Variants in PALM2AKAP2 observed in about 807,000 individuals in gnomAD.
The protein encoded by PALM2AKAP2 is PALM2-AKAP2 fusion protein.
PALM2AKAP2 carries 37 observed loss-of-function variants against 71.5 expected under a neutral mutation model. That is an observed-to-expected ratio of 0.52 (90% confidence interval 0.40 to 0.68). PALM2AKAP2 has a LOEUF of 0.68. Ranked by LOEUF, PALM2AKAP2 falls within the 30% of genes least tolerant of loss-of-function variation. The probability of loss-of-function intolerance (pLI) is 0.00; values close to 1 mark genes in which losing one functional copy is unlikely to be tolerated. For synonymous variants in PALM2AKAP2, 468 were observed against 478.8 expected (o/e 0.98, Z 0.29); for missense variants, 1,224 against 1,191.8 (o/e 1.03, Z -0.40).
chr9:110,062,306 A>G (rs973306000), intron 1 of PALM2AKAP2, among the ~76,000 whole-genome samples: 1 of 151,062 alleles, frequency 6.6e-6, no homozygotes. Flanking sequence ...ATGTATACTC[A>G]TTGTTCAGCT....
At chr9:109,727,490 A>G (rs1344027570) in intron 1 of PALM2AKAP2, among the ~76,000 whole-genome samples, 2 of 117,858 alleles carry the variant, frequency 1.7e-5, no homozygotes, top group East Asian at 2.5e-4. Context: ...ATTATTTTAT[A>G]TAGAGCCCCA....
chr9:110,163,388 G>T (rs1370271421), intron 3 of PALM2AKAP2, among the ~76,000 whole-genome samples: 1 of 152,112 alleles, frequency 6.6e-6, no homozygotes, highest in African/African-American at 2.4e-5. Context: ...CACCTACCCA[G>T]CTTTGTCCAT....
intron 1 of PALM2AKAP2, among the ~76,000 whole-genome samples, chr9:109,858,859 A>C (rs1157536275): frequency 6.6e-6 from 1 of 152,180 alleles, no homozygotes; most frequent in Non-Finnish European, 1.5e-5. Flanking sequence ...CCTAGCAAAG[A>C]ATTTGATGTT....
In PALM2AKAP2 at chr9:110,066,234, T is replaced by C. The variant is rs374531690; in HGVS notation, c.156+17379T>C. On this transcript the variant is annotated intron_variant, in intron 1 of 3. Coordinates refer to ENST00000374525, the Ensembl canonical transcript of PALM2AKAP2. Reference sequence around the variant, plus strand: ...GGAAGAGGATGGCTTAGAGAGAGTATGGACTTAAAGCAGAGTTAAGGAGCC... The same window carrying C: ...GGAAGAGGATGGCTTAGAGAGAGTACGGACTTAAAGCAGAGTTAAGGAGCC... 7.2e-5 allele frequency among the ~76,000 whole-genome samples: 11 copies of C among 152,310 alleles called. No homozygotes were observed. In the East Asian group the frequency reaches 1.9e-3, roughly 27 times the overall value.
At chr9:110,094,669 GGGGGGGC>G (rs1469778221) in intron 1 of PALM2AKAP2, among the ~76,000 whole-genome samples, 13,994 of 94,426 alleles carry the variant, frequency 0.15, 701 homozygotes, top group African/African-American at 0.23. Context: ...ACCACGGGGC[GGGGGGGC>G]GGGTAATCTG....
chr9:110,075,518 C>T (rs1383514121), intron 1 of PALM2AKAP2, among the ~76,000 whole-genome samples: 4 of 152,048 alleles, frequency 2.6e-5, no homozygotes, highest in East Asian at 1.9e-4. Context: ...TCAGAAATGA[C>T]GTGCCACTGG....
chr9:110,041,581 A>C (rs1476319276), intron 7 of PALM2AKAP2, among the ~76,000 whole-genome samples: 1 of 152,212 alleles, frequency 6.6e-6, no homozygotes, highest in Non-Finnish European at 1.5e-5. Flanking sequence ...GCGAGGATGC[A>C]GGGAAAGGAA....
chr9:110,172,208 A>C (rs1038312053), exon 4 of PALM2AKAP2: 2 of 152,610 alleles, frequency 1.3e-5, no homozygotes, highest in African/African-American at 4.8e-5. Flanking sequence ...AGAGATGGTG[A>C]ATATATTCCA....
At chr9:110,127,358 G>A (rs1273788151) in intron 1 of PALM2AKAP2, among the ~76,000 whole-genome samples, 2 of 152,174 alleles carry the variant, frequency 1.3e-5, no homozygotes, top group African/African-American at 4.8e-5. Context: ...GAGGTCTGGA[G>A]TCTGGCCGGC....
At chr9:109,914,052 G>A (rs191690576) in intron 3 of PALM2AKAP2, among the ~76,000 whole-genome samples, 26 of 152,170 alleles carry the variant, frequency 1.7e-4, no homozygotes, top group South Asian at 1.2e-3. Context: ...CACCGCGCCC[G>A]GCCAAGATGC....
At chr9:109,763,263 C>A (rs568360872) in intron 1 of PALM2AKAP2, among the ~76,000 whole-genome samples, 2 of 152,288 alleles carry the variant, frequency 1.3e-5, no homozygotes, top group South Asian at 4.1e-4. Flanking sequence ...TGCCCACCAT[C>A]CATTGCCAGG....
intron 6 of PALM2AKAP2, among the ~76,000 whole-genome samples, chr9:109,994,279 G>A (rs2132249988): frequency 6.6e-6 from 1 of 152,246 alleles, no homozygotes; most frequent in Middle Eastern, 3.4e-3. Context: ...GAAGACTTTG[G>A]GATGTATCCA....
At chr9:110,117,973 T>TTGTGTGTGTGTGTGTGTGTG (rs1171400897) in intron 1 of PALM2AKAP2, among the ~76,000 whole-genome samples, 1 of 138,560 alleles carries the variant, frequency 7.2e-6, no homozygotes, top group Non-Finnish European at 1.6e-5. Flanking sequence ...ATATGTCGTT[T>TTGTGTGTGTGTGTGTGTGTG]TGTGTGTGTG....
At chr9:109,738,542 T>C (rs143175110) in intron 1 of PALM2AKAP2, among the ~76,000 whole-genome samples, 1 of 152,328 alleles carries the variant, frequency 6.6e-6, no homozygotes, top group East Asian at 1.9e-4. Flanking sequence ...TAGCAATGGA[T>C]GATTGAAAAA....
chr9:109,752,838 C>T (rs1003840329), intron 1 of PALM2AKAP2, among the ~76,000 whole-genome samples: 1 of 152,096 alleles, frequency 6.6e-6, no homozygotes, highest in Admixed American at 6.6e-5. Context: ...AGTAGCCGGG[C>T]AATCTTGTTC....
chr9:110,112,016 C>A (rs182903272), intron 1 of PALM2AKAP2, among the ~76,000 whole-genome samples: 2 of 152,196 alleles, frequency 1.3e-5, no homozygotes, highest in East Asian at 3.9e-4. Flanking sequence ...AGGATCCCTG[C>A]TGTTGTGCTC....
At chr9:110,102,183 G>A (rs1193928252) in intron 1 of PALM2AKAP2, among the ~76,000 whole-genome samples, 2 of 152,158 alleles carry the variant, frequency 1.3e-5, no homozygotes, top group East Asian at 3.9e-4. Flanking sequence ...TACCTCTGTA[G>A]GACGGCTTTG....
chr9:110,024,720 A>T (rs143078057), intron 7 of PALM2AKAP2, among the ~76,000 whole-genome samples: 171 of 151,248 alleles, frequency 1.1e-3, no homozygotes, highest in Admixed American at 2.2e-3. Context: ...GGAGGTAGAG[A>T]GTGCAGTGAG....
intron 1 of PALM2AKAP2, among the ~76,000 whole-genome samples, chr9:109,647,338 G>T (rs998529295): frequency 6.6e-6 from 1 of 151,922 alleles, no homozygotes; most frequent in African/African-American, 2.4e-5. Flanking sequence ...TTTACTTTTG[G>T]AATATCATTA....
Sources: allele counts gnomAD v4.1 joint callset (sites outside exome capture counted in the v4.1 genomes callset), GRCh38; gene constraint gnomAD v4.1.1; transcripts MANE v1.5; gene names NCBI Gene and HGNC (gene_info 2026-07-23, HGNC 2026-07-21).